GALNT13: variants seen among roughly 807,000 people sequenced by gnomAD.
The protein encoded by GALNT13 is UDP-GalNAc:polypeptide N-acetylgalactosaminyltransferase 13.
GALNT13 carries 28 observed loss-of-function variants against 64.2 expected under a neutral mutation model. The observed-to-expected ratio is 0.44, with a 90% CI of 0.32 to 0.60. The LOEUF is 0.60. Ranked by LOEUF, GALNT13 falls within the 20% of genes least tolerant of loss-of-function variation. The probability of loss-of-function intolerance (pLI) is 0.05; values close to 1 mark genes in which losing one functional copy is unlikely to be tolerated. For synonymous variants in GALNT13, 214 were observed against 224.6 expected (o/e 0.95, Z 0.42); for missense variants, 577 against 669.8 (o/e 0.86, Z 1.53).
chr2:153,646,053 A>G, the GALNT13 span, among the ~76,000 whole-genome samples: 1 of 152,080 alleles, frequency 6.6e-6, no homozygotes, highest in Non-Finnish European at 1.5e-5. Context: ...ATTTTGGTGT[A>G]ATAATGCCAA....
upstream of GALNT13, among the ~76,000 whole-genome samples, chr2:153,871,462 C>T (rs1685928335): frequency 6.6e-6 from 1 of 152,222 alleles, no homozygotes; most frequent in South Asian, 2.1e-4. Context: ...GAGCCGACGG[C>T]AAGGGTGGGG....
intron 3 of GALNT13, among the ~76,000 whole-genome samples, chr2:153,986,294 G>A (rs1177675450): frequency 6.6e-6 from 1 of 151,912 alleles, no homozygotes; most frequent in Non-Finnish European, 1.5e-5. Context: ...GAGGAAAAAT[G>A]TGTCATACTC....
At chr2:154,220,549 T>C (rs1482620241) in intron 4 of GALNT13, among the ~76,000 whole-genome samples, 1 of 152,074 alleles carries the variant, frequency 6.6e-6, no homozygotes, top group African/African-American at 2.4e-5. Context: ...CACATATGCA[T>C]ACACACATAT....
At chr2:154,193,024 C>T (rs1348676980) in intron 4 of GALNT13, among the ~76,000 whole-genome samples, 1 of 152,086 alleles carries the variant, frequency 6.6e-6, no homozygotes, top group Non-Finnish European at 1.5e-5. Flanking sequence ...GTAAATGTCA[C>T]ATAAATTAAA....
chr2:153,877,928 A>G (rs1198300113), intron 1 of GALNT13, among the ~76,000 whole-genome samples: 1 of 152,164 alleles, frequency 6.6e-6, no homozygotes, highest in Non-Finnish European at 1.5e-5. Flanking sequence ...GAGTAATAGT[A>G]TGTTACTGTT....
chr2:153,965,781 A>G (rs1216686462), intron 3 of GALNT13, among the ~76,000 whole-genome samples: 1 of 149,446 alleles, frequency 6.7e-6, no homozygotes, highest in African/African-American at 2.5e-5. Flanking sequence ...TCTGGTCACA[A>G]TGAAAAGGAA....
chr2:154,431,642 T>A (rs1306297032), intron 11 of GALNT13, among the ~76,000 whole-genome samples: 1 of 152,220 alleles, frequency 6.6e-6, no homozygotes, highest in African/African-American at 2.4e-5. Flanking sequence ...ATGCTTACCA[T>A]CTGATATGAT....
chr2:153,832,484 T>C, the GALNT13 span, among the ~76,000 whole-genome samples: 2 of 152,158 alleles, frequency 1.3e-5, no homozygotes, highest in Admixed American at 1.3e-4. Context: ...TTATTTTGAC[T>C]CCACTACTAA....
chr2:153,564,166 T>C, the GALNT13 span, among the ~76,000 whole-genome samples: 2 of 151,738 alleles, frequency 1.3e-5, no homozygotes, highest in South Asian at 4.2e-4. Context: ...CGTCACTAGA[T>C]TTTTTTGCAG....
chr2:154,353,826 G>T (rs1696556345), intron 9 of GALNT13, among the ~76,000 whole-genome samples: 1 of 152,034 alleles, frequency 6.6e-6, no homozygotes, highest in African/African-American at 2.4e-5. Flanking sequence ...GTTGACTTTG[G>T]TCGTTTCCAT....
At chr2:153,733,163 CTT>C in the GALNT13 span, among the ~76,000 whole-genome samples, 227 of 152,194 alleles carry the variant, frequency 1.5e-3, no homozygotes, top group African/African-American at 5.3e-3. Context: ...AAAATAAACC[CTT>C]GTTTGTTTGT....
At chr2:153,073,432 A>C in the GALNT13 span, among the ~76,000 whole-genome samples, 7 of 152,276 alleles carry the variant, frequency 4.6e-5, no homozygotes, top group African/African-American at 1.7e-4. Flanking sequence ...GAAAATAAAA[A>C]ATCGGTGAAC....
chr2:153,708,140 C>T, the GALNT13 span, among the ~76,000 whole-genome samples: 2 of 151,828 alleles, frequency 1.3e-5, no homozygotes, highest in African/African-American at 4.8e-5. Flanking sequence ...TAGGGCCCAC[C>T]TTTGGCAATC....
chr2:153,478,670 C>T, the GALNT13 span: 7 of 915,798 alleles, frequency 7.6e-6, no homozygotes, highest in African/African-American at 1.7e-5. Flanking sequence ...CAGACTAGCG[C>T]GTGCGAGGGC....
chr2:153,350,304 C>T, the GALNT13 span, among the ~76,000 whole-genome samples: 2 of 151,772 alleles, frequency 1.3e-5, no homozygotes, highest in Admixed American at 6.6e-5. Context: ...TTTTCAGAAA[C>T]GTGTTAGTAA....
At chr2:153,433,662 G>A in the GALNT13 span, among the ~76,000 whole-genome samples, 1 of 152,044 alleles carries the variant, frequency 6.6e-6, no homozygotes, top group African/African-American at 2.4e-5. Context: ...GTTTAGCGGA[G>A]CAGGAATTTT....
At chr2:153,122,728 G>A in the GALNT13 span, among the ~76,000 whole-genome samples, 1 of 152,058 alleles carries the variant, frequency 6.6e-6, no homozygotes, top group Non-Finnish European at 1.5e-5. Flanking sequence ...TCCAAGACTT[G>A]TAAATATCAG....
the GALNT13 span, among the ~76,000 whole-genome samples, chr2:153,305,722 A>G: frequency 6.6e-6 from 1 of 152,178 alleles, no homozygotes; most frequent in African/African-American, 2.4e-5. Flanking sequence ...AGAATATTTT[A>G]GGAGCAATTC....
the GALNT13 span, among the ~76,000 whole-genome samples, chr2:153,472,442 C>A: frequency 6.6e-6 from 1 of 151,676 alleles, no homozygotes; most frequent in East Asian, 1.9e-4. Flanking sequence ...TTTGTCTGTG[C>A]CAGTGTTTTG....
Sources: allele counts gnomAD v4.1 joint callset (sites outside exome capture counted in the v4.1 genomes callset), GRCh38; gene constraint gnomAD v4.1.1; transcripts MANE v1.5; gene names NCBI Gene and HGNC (gene_info 2026-07-23, HGNC 2026-07-21).